TRPM3: variants seen among roughly 807,000 people sequenced by gnomAD.
TRPM3 encodes the protein transient receptor potential cation channel subfamily M member 3, also known as long transient receptor potential channel 3.
Under a neutral mutation model 181.2 loss-of-function variants are expected in TRPM3, and 77 were observed. That is an observed-to-expected ratio of 0.42 (90% CI 0.35 to 0.51). The LOEUF is 0.51. Ranked by LOEUF, TRPM3 falls within the 20% of genes least tolerant of loss-of-function variation. TRPM3 has a pLI of 0.01. For missense variants in TRPM3, 1,759 were observed against 2,196.7 expected, an observed-to-expected ratio of 0.80 and a Z score of 3.98; for synonymous variants, 745 against 796.4, an observed-to-expected ratio of 0.94 and a Z score of 1.09.
chr9:70,862,332 C>T (rs2095543061), intron 3 of TRPM3, among the ~76,000 whole-genome samples: 1 of 151,972 alleles, frequency 6.6e-6, no homozygotes, highest in Admixed American at 6.6e-5. Flanking sequence ...AAAGTCTCCC[C>T]AACTCAAAAA....
At chr9:70,593,229 T>G (rs1181832642) in intron 21 of TRPM3, among the ~76,000 whole-genome samples, 5 of 152,214 alleles carry the variant, frequency 3.3e-5, no homozygotes, top group Non-Finnish European at 2.9e-5. Context: ...TTTAAAGTTG[T>G]ATGCTAATTA....
At chr9:71,009,224 T>C (rs2097710480) in intron 1 of TRPM3, among the ~76,000 whole-genome samples, 1 of 152,032 alleles carries the variant, frequency 6.6e-6, no homozygotes, top group Non-Finnish European at 1.5e-5. Flanking sequence ...CCAGAGTAAT[T>C]AGTCAAGAGA....
At chr9:71,165,598 C>T (rs544773735) in intron 1 of TRPM3, among the ~76,000 whole-genome samples, 26 of 152,252 alleles carry the variant, frequency 1.7e-4, no homozygotes, top group African/African-American at 5.8e-4. Context: ...GTTTTCCACG[C>T]ACCAGTCTTT....
At chr9:71,166,982 C>T (rs1175011610) in intron 1 of TRPM3, among the ~76,000 whole-genome samples, 1 of 152,096 alleles carries the variant, frequency 6.6e-6, no homozygotes, top group Non-Finnish European at 1.5e-5. Flanking sequence ...TAATTTCTTA[C>T]TATCTTGTTT....
chr9:70,555,755 A>G (rs1588324346), intron 22 of TRPM3, among the ~76,000 whole-genome samples: 1 of 152,072 alleles, frequency 6.6e-6, no homozygotes, highest in Non-Finnish European at 1.5e-5. Context: ...AGCTTCTCGC[A>G]CCTACTCTAC....
intron 6 of TRPM3, chr9:70,826,893 G>T (rs1464618602): frequency 6.6e-6 from 1 of 152,162 alleles, no homozygotes; most frequent in East Asian, 1.9e-4. Flanking sequence ...ATTTTATTTT[G>T]TGAGGCGGGA....
chr9:70,695,482 C>G (rs1292746347), intron 8 of TRPM3, among the ~76,000 whole-genome samples: 2 of 152,264 alleles, frequency 1.3e-5, no homozygotes, highest in East Asian at 3.9e-4. Context: ...CCAGTCTGTT[C>G]TCTCTGCTGG....
chr9:70,959,121 T>C (rs1378155622), intron 1 of TRPM3, among the ~76,000 whole-genome samples: 1 of 151,646 alleles, frequency 6.6e-6, no homozygotes, highest in Non-Finnish European at 1.5e-5. Context: ...ACCTGCACAT[T>C]GTGCACATGT....
rs145305570 is a variant in TRPM3, at chr9:71,163,499, G to A, written c.183+283154C>T. Among the ~76,000 whole-genome samples the A allele has an allele frequency of 1.9e-3, 290 of 152,258 alleles. 1 individual carries two copies. Among genetic ancestry groups the A allele is most frequent in the African/African-American group, 6.8e-3 (283 of 41,556 alleles). On this transcript the variant is annotated intron_variant, in intron 1 of 24. Transcript: ENST00000357533. ...GGTGTTATTTATTAGGGTAGGCAAT[G>A]TCAAAGAGGAAAATTTGGAAAAGAA...
chr9:71,011,563 T>C (rs530497727), intron 1 of TRPM3, among the ~76,000 whole-genome samples: 132 of 152,090 alleles, frequency 8.7e-4, no homozygotes, highest in Non-Finnish European at 1.6e-3. Flanking sequence ...AGAAGTTCTT[T>C]ATTAGGAAGA....
In TRPM3 at chr9:70,809,913, G is replaced by A. The variant is rs1215786845; in HGVS notation, c.973+17934C>T. ...ATGGGACAGTTATGGGCCCAATGAT[G>A]GAAAATTTCATGTCATGGTTATCCC... On this transcript the variant is annotated intron_variant, in intron 6 of 25. Transcript: ENST00000677713. The A allele has an allele frequency of 1.3e-5, 7 of 529,648 alleles. No individual in the cohort carries two copies. In the East Asian group the frequency reaches 3.8e-4, roughly 29 times the overall value. 32.8% of individuals were successfully genotyped at this position (529,648 alleles called of 1,614,324 possible). A position where few individuals can be genotyped will look rare whatever the true frequency, so the allele number is the denominator to read the frequency against.
intron 1 of TRPM3, among the ~76,000 whole-genome samples, chr9:71,266,101 CA>C (rs1024528102): frequency 6.6e-6 from 1 of 152,164 alleles, no homozygotes; most frequent in African/African-American, 2.4e-5. Flanking sequence ...CCACTGTAGC[CA>C]AAACCAGAAT....
chr9:71,360,018 C>A (rs897241265), intron 1 of TRPM3, among the ~76,000 whole-genome samples: 1 of 152,110 alleles, frequency 6.6e-6, no homozygotes, highest in Admixed American at 6.6e-5. Flanking sequence ...ACACTTATTA[C>A]ATACAAAAGA....
At position 70,771,588 on chromosome 9, in the gene TRPM3, G is replaced by A. The variant is rs542197479; in HGVS notation, c.1149-9864C>T. On this transcript the variant is annotated intron_variant, in intron 7 of 25. Coordinates refer to ENST00000677713, the MANE Select transcript of TRPM3 (RefSeq NM_001366145.2). ...AAACTGAAGGTGGGTGGTGTGGTGG[G>A]GGTGAAAGTGGTAAGAAAGGTATTT... 7.9e-5 allele frequency among the ~76,000 whole-genome samples: 12 copies of A among 152,252 alleles called. No homozygotes were observed. The South Asian group carries it at 2.1e-3, about 26-fold the overall frequency.
intron 1 of TRPM3, among the ~76,000 whole-genome samples, chr9:71,189,560 G>A (rs980393237): frequency 1.3e-5 from 2 of 151,566 alleles, no homozygotes; most frequent in African/African-American, 2.4e-5. Flanking sequence ...TCACTCCCAC[G>A]CTCCATTCTA....
chr9:70,774,776 C>A (rs1328024032), intron 7 of TRPM3: 1 of 152,140 alleles, frequency 6.6e-6, no homozygotes, highest in East Asian at 1.9e-4. Context: ...ACTTGCTTTG[C>A]ATGGAATATC....
chr9:71,212,159 C>T (rs554006099), intron 1 of TRPM3, among the ~76,000 whole-genome samples: 4 of 152,186 alleles, frequency 2.6e-5, no homozygotes, highest in Admixed American at 1.3e-4. Flanking sequence ...CCCTGTTGCT[C>T]AGGCTTGAGT....
At chr9:71,428,236 C>T (rs1314508384) in intron 1 of TRPM3, among the ~76,000 whole-genome samples, 6 of 150,784 alleles carry the variant, frequency 4.0e-5, no homozygotes, top group East Asian at 2.0e-4. Flanking sequence ...GGATTACAGG[C>T]GCCCGCCACC....
At chr9:70,778,928 C>A (rs974180377) in intron 7 of TRPM3, among the ~76,000 whole-genome samples, 1 of 152,050 alleles carries the variant, frequency 6.6e-6, no homozygotes, top group Admixed American at 6.6e-5. Context: ...TTTCTCATAC[C>A]TTTGGTCATT....
Sources: allele counts gnomAD v4.1 joint callset (sites outside exome capture counted in the v4.1 genomes callset), GRCh38; gene constraint gnomAD v4.1.1; transcripts MANE v1.5; gene names NCBI Gene and HGNC (gene_info 2026-07-23, HGNC 2026-07-21).